MAGI2: variants seen among roughly 807,000 people sequenced by gnomAD.
The protein encoded by MAGI2 is membrane-associated guanylate kinase, WW and PDZ domain-containing protein 2.
A neutral mutation model predicts 133.3 loss-of-function variants in MAGI2; 35 were observed. The ratio of observed to expected loss-of-function variants is 0.26; its 90% CI spans 0.20 to 0.35. The LOEUF is 0.35. MAGI2 is among the 10% of genes least tolerant of loss of function. The pLI is 1.00. For synonymous variants in MAGI2, 729 were observed against 710.6 expected, an observed-to-expected ratio of 1.03 and a Z score of -0.41; for missense variants, 1,636 against 1,863.4, an observed-to-expected ratio of 0.88 and a Z score of 2.25.
chr7:79,275,207 A>T (rs1474810062), intron 1 of MAGI2, among the ~76,000 whole-genome samples: 1 of 152,222 alleles, frequency 6.6e-6, no homozygotes, highest in Admixed American at 6.5e-5. Flanking sequence ...TGTAGCAAAC[A>T]GTTAGCCAAA....
At chr7:78,150,712 T>C (rs186353525) in intron 16 of MAGI2, among the ~76,000 whole-genome samples, 3 of 152,358 alleles carry the variant, frequency 2.0e-5, no homozygotes, top group Admixed American at 2.0e-4. Flanking sequence ...ATCCACCTTA[T>C]GCTGCTGCCT....
At chr7:78,407,148 C>T (rs1475286490) in intron 6 of MAGI2, among the ~76,000 whole-genome samples, 2 of 151,984 alleles carry the variant, frequency 1.3e-5, no homozygotes, top group African/African-American at 4.8e-5. Flanking sequence ...CTTCCACAAA[C>T]TCAATGCAGG....
chr7:78,334,395 A>G (rs1015849833), intron 9 of MAGI2, among the ~76,000 whole-genome samples: 4 of 152,192 alleles, frequency 2.6e-5, no homozygotes, highest in Admixed American at 2.0e-4. Context: ...ATGGGATAGA[A>G]TTTCCTGAAA....
intron 2 of MAGI2, among the ~76,000 whole-genome samples, chr7:78,678,412 T>C (rs1436972465): frequency 6.6e-6 from 1 of 152,122 alleles, no homozygotes; most frequent in Non-Finnish European, 1.5e-5. Flanking sequence ...AGAGTTTTTA[T>C]TACATGTATA....
At chr7:78,486,051 C>T (rs1035193736) in intron 6 of MAGI2, 1 of 152,068 alleles carries the variant, frequency 6.6e-6, no homozygotes, top group Non-Finnish European at 1.5e-5. Flanking sequence ...TGCAGCTGCT[C>T]TTGTTGTGTC....
intron 3 of MAGI2, among the ~76,000 whole-genome samples, chr7:78,608,324 A>G (rs1351904782): frequency 6.6e-6 from 1 of 151,892 alleles, no homozygotes; most frequent in South Asian, 2.1e-4. Flanking sequence ...CCTGTCCCCA[A>G]CTGGCTTTGA....
chr7:78,240,899 T>A (rs1304790056), intron 10 of MAGI2, among the ~76,000 whole-genome samples: 2 of 149,054 alleles, frequency 1.3e-5, no homozygotes, highest in Admixed American at 1.3e-4. Flanking sequence ...TAAACACATA[T>A]AATTTTATGT....
At chr7:78,662,802 A>G (rs1193593011) in intron 2 of MAGI2, among the ~76,000 whole-genome samples, 1 of 152,198 alleles carries the variant, frequency 6.6e-6, no homozygotes, top group Non-Finnish European at 1.5e-5. Context: ...TGTGAAATGC[A>G]TTTGTATCTG....
At chr7:78,209,523 A>C (rs1787558334) in intron 10 of MAGI2, among the ~76,000 whole-genome samples, 2 of 151,972 alleles carry the variant, frequency 1.3e-5, no homozygotes, top group Non-Finnish European at 2.9e-5. Flanking sequence ...GGCTTCCCAA[A>C]GTGCTGGGAT....
At chr7:78,506,964 G>A (rs1368184897) in intron 4 of MAGI2, among the ~76,000 whole-genome samples, 2 of 152,162 alleles carry the variant, frequency 1.3e-5, no homozygotes, top group Non-Finnish European at 2.9e-5. Flanking sequence ...AATCATATTT[G>A]TTGATGTATC....
intron 2 of MAGI2, among the ~76,000 whole-genome samples, chr7:78,766,711 TATC>T (rs1825061541): frequency 6.6e-6 from 1 of 152,248 alleles, no homozygotes; most frequent in South Asian, 2.1e-4. Flanking sequence ...ACACTTTTTA[TATC>T]ATCACACTTA....
intron 2 of MAGI2, among the ~76,000 whole-genome samples, chr7:78,668,581 G>C (rs1813929004): frequency 6.6e-6 from 1 of 151,678 alleles, no homozygotes; most frequent in African/African-American, 2.4e-5. Flanking sequence ...TAAGGTGTAA[G>C]GAAGGGATCC....
chr7:78,487,093 T>C (rs1337628681), intron 6 of MAGI2: 1 of 363,216 alleles, frequency 2.8e-6, no homozygotes, highest in Non-Finnish European at 5.4e-6. Context: ...TGTTCTCCTG[T>C]GTATCACACT....
In MAGI2 at chr7:78,559,136, C is replaced by CAA. The variant is rs71085541; in HGVS notation, c.539-37493_539-37492dup. ...TTTAGGAGCTTGCAATCTGAATTTC[C>CAA]AAAAAAAAAAAAAAAAAAAAAAAAA... On this transcript the variant is annotated intron_variant, in intron 3 of 21. Coordinates refer to ENST00000354212, the MANE Select transcript of MAGI2 (RefSeq NM_012301.4). Among the ~76,000 whole-genome samples the CAA allele has an allele frequency of 4.7e-4, 26 of 54,742 alleles. 1 individual carries two copies. Among genetic ancestry groups the CAA allele is most frequent in the Non-Finnish European group, 6.0e-4 (20 of 33,116 alleles). The allele number at this position is 54,742 out of a possible 152,430, so 35.9% of individuals were successfully genotyped here.
At chr7:79,282,899 G>A (rs9655824) in intron 1 of MAGI2, among the ~76,000 whole-genome samples, 1 of 151,796 alleles carries the variant, frequency 6.6e-6, no homozygotes, top group East Asian at 1.9e-4. Flanking sequence ...TTAATTTTTT[G>A]ATATATAACA....
intron 2 of MAGI2, among the ~76,000 whole-genome samples, chr7:78,763,218 A>C (rs1207893): frequency 0.96 from 145,560 of 152,258 alleles, 69,600 homozygotes; most frequent in East Asian, 1. Context: ...AACTCTAATG[A>C]ATCAATCATA....
chr7:79,070,491 ATTAT>A (rs886567370), intron 1 of MAGI2, among the ~76,000 whole-genome samples: 17 of 149,942 alleles, frequency 1.1e-4, no homozygotes, highest in South Asian at 4.2e-4. Flanking sequence ...TTTTATTTTT[ATTAT>A]TTATTTATTT....
chr7:78,573,197 T>TATATATATATAAATATATATAAATATAA (rs1801753696), intron 3 of MAGI2, among the ~76,000 whole-genome samples: 1 of 87,166 alleles, frequency 1.1e-5, no homozygotes, highest in African/African-American at 4.9e-5. Context: ...TTTATATATA[T>TATATATATATAAATATATATAAATATAA]ATATATAAAT....
chr7:79,121,788 C>A (rs1819930104), intron 1 of MAGI2, among the ~76,000 whole-genome samples: 1 of 152,024 alleles, frequency 6.6e-6, no homozygotes, highest in Non-Finnish European at 1.5e-5. Flanking sequence ...GACCTCTAAG[C>A]CCTCATTAGT....
Sources: allele counts gnomAD v4.1 joint callset (sites outside exome capture counted in the v4.1 genomes callset), GRCh38; gene constraint gnomAD v4.1.1; transcripts MANE v1.5; gene names NCBI Gene and HGNC (gene_info 2026-07-23, HGNC 2026-07-21).